The following ZBTB20 variants were observed in gnomAD, a reference collection of about 807,000 sequenced individuals.
ZBTB20 encodes zinc finger and BTB domain containing 20, also known as zinc finger and BTB domain-containing protein 20.
Under a neutral mutation model 56.9 loss-of-function variants are expected in ZBTB20, and 9 were observed. That is an observed-to-expected ratio of 0.16 (90% confidence interval 0.10 to 0.28). The LOEUF (loss-of-function observed/expected upper bound fraction) is 0.28, where lower values mean the gene tolerates loss of function less well. ZBTB20 is among the 10% of genes least tolerant of loss of function. The pLI, the probability that ZBTB20 is intolerant of heterozygous loss-of-function variation, is 1.00. For synonymous variants in ZBTB20, 417 were observed against 420.7 expected, an observed-to-expected ratio of 0.99 and a Z score of 0.11; for missense variants, 655 against 1,003.0, an observed-to-expected ratio of 0.65 and a Z score of 4.69.
intron 5 of ZBTB20, among the ~76,000 whole-genome samples, chr3:114,697,079 AGAAGAAAGAG>A (rs2063079237): frequency 8.3e-6 from 1 of 120,768 alleles, no homozygotes. Flanking sequence ...AAAAAAAAGA[AGAAGAAAGAG>A]AAAAAAAGAA....
chr3:114,449,409 A>G (rs941997859), intron 7 of ZBTB20, among the ~76,000 whole-genome samples: 1 of 152,184 alleles, frequency 6.6e-6, no homozygotes, highest in South Asian at 2.1e-4. Flanking sequence ...GTAAGAATCG[A>G]TAAGAATGGC....
At chr3:114,576,328 T>C (rs1482209184) in intron 6 of ZBTB20, among the ~76,000 whole-genome samples, 3 of 150,402 alleles carry the variant, frequency 2.0e-5, no homozygotes, top group Non-Finnish European at 4.4e-5. Context: ...TGAAACCCCG[T>C]CTCTACTAAA....
At chr3:114,429,506 C>G (rs138836271) in intron 7 of ZBTB20, among the ~76,000 whole-genome samples, 1 of 152,200 alleles carries the variant, frequency 6.6e-6, no homozygotes, top group African/African-American at 2.4e-5. Flanking sequence ...AGCTCAGAAA[C>G]AGAGCTCTCT....
chr3:114,373,150 A>C (rs2083231458), intron 10 of ZBTB20, among the ~76,000 whole-genome samples: 1 of 152,138 alleles, frequency 6.6e-6, no homozygotes, highest in Admixed American at 6.5e-5. Flanking sequence ...TCTTGACCTC[A>C]TGATCTGGCC....
chr3:114,395,964 T>C (rs1168752148), intron 7 of ZBTB20, among the ~76,000 whole-genome samples: 1 of 151,930 alleles, frequency 6.6e-6, no homozygotes, highest in Non-Finnish European at 1.5e-5. Flanking sequence ...TTGATTCTTG[T>C]TTAAAATAAG....
intron 4 of ZBTB20, among the ~76,000 whole-genome samples, chr3:114,815,331 CAAAAT>C (rs1465385659): frequency 6.6e-6 from 1 of 151,910 alleles, no homozygotes; most frequent in East Asian, 1.9e-4. Flanking sequence ...ATTGCAAAAA[CAAAAT>C]AAAACAGTAC....
chr3:114,672,778 T>G (rs1370408518), intron 6 of ZBTB20, among the ~76,000 whole-genome samples: 1 of 152,220 alleles, frequency 6.6e-6, no homozygotes, highest in African/African-American at 2.4e-5. Flanking sequence ...CCAAATACTG[T>G]GACATGTTAC....
At chr3:114,445,932 T>G (rs1393649917) in intron 7 of ZBTB20, among the ~76,000 whole-genome samples, 3 of 152,294 alleles carry the variant, frequency 2.0e-5, no homozygotes, top group Admixed American at 2.0e-4. Flanking sequence ...AAATATTCTT[T>G]TGCTGTAGTT....
intron 6 of ZBTB20, among the ~76,000 whole-genome samples, chr3:114,549,749 T>G (rs952115270): frequency 2.6e-5 from 4 of 151,586 alleles, no homozygotes; most frequent in African/African-American, 9.7e-5. Flanking sequence ...AGTTGACCTT[T>G]TTCTTTTTTT....
intron 7 of ZBTB20, among the ~76,000 whole-genome samples, chr3:114,462,828 T>C (rs1459528137): frequency 1.3e-5 from 2 of 152,230 alleles, no homozygotes; most frequent in Non-Finnish European, 2.9e-5. Flanking sequence ...GCTCTATATA[T>C]GTGGAGAAAA....
chr3:114,952,702 G>A lies in ZBTB20; in HGVS notation c.-456+21664C>T, dbSNP rs967256143. 3.8e-4 allele frequency among the ~76,000 whole-genome samples: 57 copies of A among 151,952 alleles called. 1 individual carries two copies. The highest frequency in any genetic ancestry group is 1.4e-3 in the African/African-American group (57 of 41,390). On this transcript the variant is annotated intron_variant, in intron 3 of 11. Coordinates refer to ENST00000675478, the MANE Select transcript of ZBTB20 (RefSeq NM_001348800.3). ...AGAGAAAATCACACATTATCTGTAG[G>A]GAAACACCATTCAAATGACTGTGGA...
At chr3:114,589,654 A>G (rs538730681) in intron 6 of ZBTB20, among the ~76,000 whole-genome samples, 1 of 152,334 alleles carries the variant, frequency 6.6e-6, no homozygotes, top group East Asian at 1.9e-4. Context: ...GCAAACTTAC[A>G]TAACACCTTG....
rs2079319294 is a variant in ZBTB20, at chr3:114,333,052, C to G, written c.*5953G>C. 1 of 152,178 alleles carries G rather than the reference C, an allele frequency of 6.6e-6. No homozygotes were observed. The highest frequency in any genetic ancestry group is 1.5e-5 in the Non-Finnish European group (1 of 68,032). 9.4% of individuals were successfully genotyped at this position (152,178 alleles called of 1,614,324 possible). A position where few individuals can be genotyped will look rare whatever the true frequency, so the allele number is the denominator to read the frequency against. ...GGGATCGGCTAAGGTACATTGCTGA[C>G]TGCTATAGACTCAGTGTTCAAGGAG... is the stretch of plus-strand genomic sequence containing the variant. On this transcript the variant is annotated 3_prime_UTR_variant, in exon 12 of 12. Coordinates refer to ENST00000675478, the MANE Select transcript of ZBTB20 (RefSeq NM_001348800.3).
intron 2 of ZBTB20, among the ~76,000 whole-genome samples, chr3:114,992,188 A>T (rs970627525): frequency 1.3e-5 from 2 of 151,958 alleles, no homozygotes; most frequent in African/African-American, 4.8e-5. Flanking sequence ...TAATTTTATC[A>T]CTCACATATG....
At chr3:114,407,115 C>T (rs2087413263) in intron 7 of ZBTB20, among the ~76,000 whole-genome samples, 1 of 152,180 alleles carries the variant, frequency 6.6e-6, no homozygotes, top group Admixed American at 6.5e-5. Flanking sequence ...CAACTGGCGT[C>T]ACTGTCCCAG....
At chr3:114,669,696 T>C (rs1241172092) in intron 6 of ZBTB20, among the ~76,000 whole-genome samples, 1 of 151,980 alleles carries the variant, frequency 6.6e-6, no homozygotes, top group African/African-American at 2.4e-5. Context: ...CAGTTTTTTT[T>C]CCTGTGCATA....
intron 10 of ZBTB20, among the ~76,000 whole-genome samples, chr3:114,368,058 T>C (rs1471670857): frequency 1.3e-5 from 2 of 152,222 alleles, no homozygotes; most frequent in Non-Finnish European, 1.5e-5. Flanking sequence ...CACTTAAAAC[T>C]GTAGCCGACA....
intron 6 of ZBTB20, among the ~76,000 whole-genome samples, chr3:114,612,912 T>C (rs950121190): frequency 2.0e-5 from 3 of 152,272 alleles, no homozygotes; most frequent in Non-Finnish European, 2.9e-5. Flanking sequence ...TTTACTCATT[T>C]GTTATTGATA....
intron 5 of ZBTB20, among the ~76,000 whole-genome samples, chr3:114,705,161 C>T (rs2063638565): frequency 1.3e-5 from 2 of 152,102 alleles, no homozygotes; most frequent in South Asian, 4.1e-4. Flanking sequence ...TGATGCCTTC[C>T]CTAATACATA....
Sources: gnomAD v4.1 joint callset for allele counts (sites outside exome capture counted in the v4.1 genomes callset) on GRCh38, gnomAD v4.1.1 for gene constraint, MANE v1.5 for transcripts, NCBI Gene and HGNC (gene_info 2026-07-23, HGNC 2026-07-21) for gene names.